Variants in ZFP82 observed in about 807,000 individuals in gnomAD.
ZFP82 encodes the protein zinc finger protein 82 homolog.
A neutral mutation model predicts 54.0 loss-of-function variants in ZFP82; 30 were observed. The ratio of observed to expected loss-of-function variants is 0.56; its 90% confidence interval spans 0.42 to 0.75. The LOEUF (loss-of-function observed/expected upper bound fraction) is 0.75, where lower values mean the gene tolerates loss of function less well. Ranked by LOEUF, ZFP82 falls within the 30% of genes least tolerant of loss-of-function variation. ZFP82 has a pLI of 0.00. For missense variants in ZFP82, 500 were observed against 636.8 expected, an observed-to-expected ratio of 0.79 and a Z score of 2.31; for synonymous variants, 194 against 209.5, an observed-to-expected ratio of 0.93 and a Z score of 0.64.
At chr19:36,383,404 T>C (rs2032081204) in exon 2 of ZFP82, 1 of 151,592 alleles carries the variant, frequency 6.6e-6, no homozygotes, top group South Asian at 2.1e-4. Context: ...TTAGCAGATA[T>C]TTCTAATAAA....
chr19:36,412,006 G>GCTC (rs1248052330), intron 1 of ZFP82, among the ~76,000 whole-genome samples: 1 of 152,124 alleles, frequency 6.6e-6, no homozygotes, highest in African/African-American at 2.4e-5. Context: ...GTTGAGTGAG[G>GCTC]AGTGCAGTAA....
chr19:36,407,297 C>T (rs1478993931), intron 3 of ZFP82, among the ~76,000 whole-genome samples: 1 of 151,620 alleles, frequency 6.6e-6, no homozygotes, highest in East Asian at 1.9e-4. Context: ...GGGATGGTCT[C>T]GATCTCCTGA....
chr19:36,397,091 A>ATTT (rs35809280), intron 4 of ZFP82, among the ~76,000 whole-genome samples: 3 of 132,240 alleles, frequency 2.3e-5, no homozygotes, highest in Non-Finnish European at 1.6e-5. Flanking sequence ...GCATAAACCA[A>ATTT]TTTTTTTTTT....
At chr19:36,386,926 C>T (rs889392922), downstream of ZFP82, among the ~76,000 whole-genome samples, 2 of 152,292 alleles carry the variant, frequency 1.3e-5, no homozygotes, top group East Asian at 3.9e-4. Context: ...CAGAGCGAGA[C>T]TCCGTCTCAA....
intron 1 of ZFP82, among the ~76,000 whole-genome samples, chr19:36,414,300 A>G (rs1049222026): frequency 6.7e-6 from 1 of 150,272 alleles, no homozygotes; most frequent in Non-Finnish European, 1.5e-5. Flanking sequence ...GATTTTTGAG[A>G]TTTTTCAGCA....
At chr19:36,388,162 G>A (rs1199995036), downstream of ZFP82, among the ~76,000 whole-genome samples, 1 of 152,116 alleles carries the variant, frequency 6.6e-6, no homozygotes, top group Non-Finnish European at 1.5e-5. Context: ...AGGCCCCAGG[G>A]TATTCCTAGT....
At chr19:36,404,639 T>C (rs890801471) in intron 4 of ZFP82, among the ~76,000 whole-genome samples, 3 of 152,342 alleles carry the variant, frequency 2.0e-5, no homozygotes, top group South Asian at 2.1e-4. Flanking sequence ...CTAATATGCA[T>C]GTGCACAGTC....
intron 2 of ZFP82, among the ~76,000 whole-genome samples, chr19:36,409,142 A>C (rs1352798685): frequency 6.6e-6 from 1 of 152,180 alleles, no homozygotes; most frequent in African/African-American, 2.4e-5. Flanking sequence ...GGAATTCCAA[A>C]AGATCTCAGA....
chr19:36,398,721 T>C (rs2032337601), intron 4 of ZFP82, among the ~76,000 whole-genome samples: 1 of 152,264 alleles, frequency 6.6e-6, no homozygotes, highest in East Asian at 1.9e-4. Context: ...CGTCACCCTC[T>C]GTCACCACAG....
chr19:36,390,917 T>C lies in ZFP82; in HGVS notation c.*1824A>G, dbSNP rs974650596. The stretch of plus-strand genomic sequence containing the variant: ...CTGAGTAGCTGGGACTACAGGCGCC[T>C]GCCACCACGCCCGGCGAATTTTTTG... On this transcript the variant is annotated 3_prime_UTR_variant, in exon 5 of 5. Coordinates refer to ENST00000392161, the MANE Select transcript of ZFP82 (RefSeq NM_133466.4). 6 of 152,250 alleles carry C rather than the reference T, an allele frequency of 3.9e-5. No homozygotes were observed. The highest frequency in any genetic ancestry group is 2.1e-4 in the South Asian group (1 of 4,818). The allele number at this position is 152,250 out of a possible 1,614,324, so 9.4% of individuals were successfully genotyped here.
intron 4 of ZFP82, among the ~76,000 whole-genome samples, chr19:36,401,154 G>A (rs1357842898): frequency 6.6e-6 from 1 of 150,794 alleles, no homozygotes; most frequent in Non-Finnish European, 1.5e-5. Flanking sequence ...AGGGTGGAGT[G>A]ACCCATGAGT....
rs1417915601 is a variant in ZFP82, at chr19:36,390,717, TAA to T, written c.*2022_*2023del. On this transcript the variant is annotated 3_prime_UTR_variant, in exon 5 of 5. Transcript: ENST00000392161. ...ACGAAAATCCATGATTTTGTAAAATTAAAGAGCGTAGTTTTCAAATTCTATCA... is the reference window on the plus strand; with the variant it reads ...ACGAAAATCCATGATTTTGTAAAATTAGAGCGTAGTTTTCAAATTCTATCA... The T allele has an allele frequency of 8.5e-5, 13 of 152,176 alleles. No homozygotes were observed. Among genetic ancestry groups the T allele is most frequent in the Non-Finnish European group, 1.9e-4 (13 of 68,034 alleles). 9.4% of individuals were successfully genotyped at this position (152,176 alleles called of 1,614,324 possible). A position where few individuals can be genotyped will look rare whatever the true frequency, so the allele number is the denominator to read the frequency against.
At chr19:36,410,003 A>T in intron 1 of ZFP82, 136 bp from the exon 2 acceptor site, 1 of 532,810 alleles carries the variant, frequency 1.9e-6, no homozygotes, top group South Asian at 2.5e-5. Context: ...GCACACACAC[A>T]TAGGCAGAGA....
chr19:36,388,014 T>G (rs567282025), downstream of ZFP82, among the ~76,000 whole-genome samples: 15 of 152,334 alleles, frequency 9.8e-5, no homozygotes, highest in East Asian at 2.5e-3. Flanking sequence ...TTTTGTAAAG[T>G]CAATGAAACT....
chr19:36,396,440 G>A (rs1030598848), intron 4 of ZFP82, among the ~76,000 whole-genome samples: 1 of 152,038 alleles, frequency 6.6e-6, no homozygotes, highest in African/African-American at 2.4e-5. Flanking sequence ...GAGGTCAGGA[G>A]ATCGAGACCA....
At chr19:36,388,000 T>A (rs371020532), downstream of ZFP82, among the ~76,000 whole-genome samples, 1 of 152,368 alleles carries the variant, frequency 6.6e-6, no homozygotes, top group East Asian at 1.9e-4. Flanking sequence ...GTATTGTTCA[T>A]TCCTTTTGTA....
At chr19:36,415,265 T>C (rs2032650581) in intron 1 of ZFP82, among the ~76,000 whole-genome samples, 1 of 152,240 alleles carries the variant, frequency 6.6e-6, no homozygotes, top group Non-Finnish European at 1.5e-5. Context: ...GTAATATTTA[T>C]TGTGGATGGT....
At chr19:36,396,667 C>T (rs944493089) in intron 4 of ZFP82, among the ~76,000 whole-genome samples, 1 of 151,422 alleles carries the variant, frequency 6.6e-6, no homozygotes, top group East Asian at 1.9e-4. Flanking sequence ...AAAAAAAATA[C>T]ATACATAAAT....
chr19:36,403,147 A>G (rs1448980053), intron 4 of ZFP82, among the ~76,000 whole-genome samples: 1 of 151,654 alleles, frequency 6.6e-6, no homozygotes, highest in Non-Finnish European at 1.5e-5. Flanking sequence ...GTCTCAAAAC[A>G]AAAAACAATA....
Sources: allele counts gnomAD v4.1 joint callset (sites outside exome capture counted in the v4.1 genomes callset), GRCh38; gene constraint gnomAD v4.1.1; transcripts MANE v1.5; gene names NCBI Gene and HGNC (gene_info 2026-07-23, HGNC 2026-07-21).